Variants in AP2A1 observed in about 807,000 individuals in gnomAD.
The protein encoded by AP2A1 is adaptor related protein complex 2 subunit alpha 1, also known as AP-2 complex subunit alpha-1.
AP2A1 carries 21 observed loss-of-function variants against 107.3 expected under a neutral mutation model. The observed-to-expected ratio is 0.20, with a 90% CI of 0.14 to 0.28. AP2A1 has a LOEUF of 0.28. Among genes scored for constraint, AP2A1 ranks in the 10% least tolerant of loss-of-function variants. The pLI, the probability that AP2A1 is intolerant of heterozygous loss-of-function variation, is 1.00. For synonymous variants in AP2A1, 602 were observed against 564.8 expected (o/e 1.07, Z -0.93); for missense variants, 873 against 1,307.7 (o/e 0.67, Z 5.13).
chr19:49,801,299 C>A (rs1266525958), intron 12 of AP2A1, 91 bp from the exon 13 acceptor site: 1 of 1,318,578 alleles, frequency 7.6e-7, no homozygotes, highest in Non-Finnish European at 1.1e-6. Flanking sequence ...GGTCCTGGGA[C>A]GGGTCCATCC....
chr19:49,781,213 G>A (rs2084670820), intron 1 of AP2A1, among the ~76,000 whole-genome samples: 1 of 152,172 alleles, frequency 6.6e-6, no homozygotes, highest in African/African-American at 2.4e-5. Context: ...ACAGGAGGCA[G>A]TGGGGACAGG....
intron 1 of AP2A1, among the ~76,000 whole-genome samples, chr19:49,768,918 G>A (rs533306917): frequency 2.2e-4 from 33 of 152,176 alleles, no homozygotes; most frequent in Admixed American, 1.9e-3. Context: ...TGTTGTCCAG[G>A]CCCTGTTCTA....
chr19:49,789,648 G>T (rs559712700), intron 4 of AP2A1, among the ~76,000 whole-genome samples: 23 of 147,836 alleles, frequency 1.6e-4, no homozygotes, highest in African/African-American at 5.5e-4. Flanking sequence ...TGGCCAGGCC[G>T]GTCTCAAACA....
intron 18 of AP2A1, chr19:49,805,183 T>C (rs2073347620): frequency 2.4e-6 from 1 of 410,084 alleles, no homozygotes; most frequent in Non-Finnish European, 4.3e-6. Context: ...AGAGCTGGGA[T>C]TCAAACCCAA....
chr19:49,794,739 T>C (rs927091264), intron 6 of AP2A1, among the ~76,000 whole-genome samples: 19 of 152,146 alleles, frequency 1.2e-4, no homozygotes, highest in African/African-American at 4.6e-4. Context: ...CTTGGCTCAC[T>C]GCAACCTCTG....
chr19:49,803,700 C>T, intron 18 of AP2A1: 1 of 404,118 alleles, frequency 2.5e-6, no homozygotes, highest in Non-Finnish European at 4.7e-6. Context: ...ACCGCCTGCA[C>T]TCAGGAGCCA....
intron 1 of AP2A1, among the ~76,000 whole-genome samples, chr19:49,781,137 C>T (rs527918805): frequency 1.3e-5 from 2 of 152,256 alleles, no homozygotes; most frequent in South Asian, 2.1e-4. Context: ...GCTTATTCCA[C>T]AAGCAGGTCC....
chr19:49,771,413 C>G (rs189592555), intron 1 of AP2A1, among the ~76,000 whole-genome samples: 23 of 149,122 alleles, frequency 1.5e-4, no homozygotes, highest in South Asian at 2.1e-4. Context: ...GTAAAAGGGT[C>G]AATTTTATGG....
intron 1 of AP2A1, among the ~76,000 whole-genome samples, chr19:49,778,101 T>G (rs1313328317): frequency 6.6e-6 from 1 of 152,182 alleles, no homozygotes; most frequent in Non-Finnish European, 1.5e-5. Flanking sequence ...GTGTATATAT[T>G]TAAATCATTT....
chr19:49,801,739 G>T lies in AP2A1; in HGVS notation c.1803G>T (p.Glu601Asp). The change falls in exon 14 of 23, where the codon GAG becomes GAT. Residue 601 changes from glutamate (E) to aspartate (D), a missense_variant. Physicochemically the swap from Glu to Asp is conservative, Grantham distance 45. Coordinates refer to ENST00000354293, the MANE Select transcript of AP2A1 (RefSeq NM_130787.3). ...CGCGCCAGGCCACGGTGCTGGAGGA[G>T]ATGCCGCCCTTCCCCGAGCGCGAGT... ...STDVLATVLE[E>D]MPPFPERESS... The T allele has an allele frequency of 6.4e-7, 1 of 1,567,716 alleles. No individual in the cohort carries two copies.
rs1482602726 is a variant in AP2A1 at position 49,778,164 on chromosome 19, A to G, written c.68-3593A>G. On this transcript the variant is annotated intron_variant, in intron 1 of 22. Coordinates refer to ENST00000354293, the MANE Select transcript of AP2A1 (RefSeq NM_130787.3). ...GTATTAACGATGGGGATATGTTCTG[A>G]GAAATGCATCGTTAGGTGGTTTTGT... 2.0e-5 allele frequency among the ~76,000 whole-genome samples: 3 copies of G among 152,190 alleles called. No individual in the cohort carries two copies. In the East Asian group the frequency reaches 5.8e-4, roughly 29 times the overall value.
rs1600235750 is a variant in AP2A1 at position 49,795,972 on chromosome 19, C to T, written c.814+234C>T. The T allele has an allele frequency of 1.6e-5, 9 of 546,404 alleles. No homozygotes were observed. The East Asian group carries it at 2.8e-4, about 17-fold the overall frequency. The allele number at this position is 546,404 out of a possible 1,614,324, so 33.8% of individuals were successfully genotyped here. ...ATCAGCCTCATAGCTGAGGTCCCTGCTACCCGGGCTCTCACTCCAGCCCTG... is the reference window on the plus strand; with the variant it reads ...ATCAGCCTCATAGCTGAGGTCCCTGTTACCCGGGCTCTCACTCCAGCCCTG... On this transcript the variant is annotated intron_variant, in intron 7 of 22. Transcript: ENST00000354293.
At chr19:49,789,872 A>T (rs535549610) in intron 4 of AP2A1, among the ~76,000 whole-genome samples, 1 of 152,154 alleles carries the variant, frequency 6.6e-6, no homozygotes, top group Non-Finnish European at 1.5e-5. Flanking sequence ...GTCTGACCCC[A>T]GAAGGTGCTC....
At chr19:49,768,015 T>C (rs2084521016) in intron 1 of AP2A1, among the ~76,000 whole-genome samples, 1 of 150,898 alleles carries the variant, frequency 6.6e-6, no homozygotes, top group Non-Finnish European at 1.5e-5. Flanking sequence ...GAGTAGGGGA[T>C]TGGGGAAAGG....
intron 4 of AP2A1, 149 bp downstream of exon 4, chr19:49,782,873 G>A: frequency 1.0e-6 from 1 of 956,072 alleles, no homozygotes; most frequent in Non-Finnish European, 1.5e-6. Context: ...TGGTTCCGGT[G>A]GCAGCCCCAT....
At chr19:49,771,147 G>A (rs540711982) in intron 1 of AP2A1, among the ~76,000 whole-genome samples, 2 of 151,634 alleles carry the variant, frequency 1.3e-5, no homozygotes, top group East Asian at 3.9e-4. Flanking sequence ...TACCATGCCC[G>A]GCAGCATTCA....
chr19:49,790,432 CT>C (rs895992728), intron 4 of AP2A1, among the ~76,000 whole-genome samples: 7 of 152,204 alleles, frequency 4.6e-5, no homozygotes, highest in South Asian at 4.2e-4. Context: ...TACCCCCACC[CT>C]TTTTTTTGTT....
At chr19:49,792,422 C>A (rs1314095181) in intron 5 of AP2A1, among the ~76,000 whole-genome samples, 2 of 151,892 alleles carry the variant, frequency 1.3e-5, no homozygotes, top group Non-Finnish European at 2.9e-5. Context: ...GCCCTGATCC[C>A]CCTGGATTCC....
chr19:49,800,039 C>T lies in AP2A1; in HGVS notation c.1344C>T (p.Asn448=), dbSNP rs1259871399. ...DYSWYVDTIL[N]LIRIAGDYVS... ...GCTGGTACGTGGACACCATCCTCAACCTCATCCGCATTGCGGGCGACTACG... is the reference window on the plus strand; with the variant it reads ...GCTGGTACGTGGACACCATCCTCAATCTCATCCGCATTGCGGGCGACTACG... Residue 448 remains asparagine (N), a synonymous_variant, in exon 11 of 23, where the codon AAC becomes AAT. Transcript: ENST00000354293. 2.5e-6 allele frequency: 4 copies of T among 1,614,068 alleles called. No individual in the cohort carries two copies. The highest frequency in any genetic ancestry group is 3.3e-5 in the Admixed American group (2 of 60,030).
Sources: allele counts gnomAD v4.1 joint callset (sites outside exome capture counted in the v4.1 genomes callset), GRCh38; gene constraint gnomAD v4.1.1; transcripts MANE v1.5; gene names NCBI Gene and HGNC (gene_info 2026-07-23, HGNC 2026-07-21).